The following CSMD3 variants were observed in gnomAD, a reference collection of about 807,000 sequenced individuals.
The protein encoded by CSMD3 is CUB and Sushi multiple domains 3, also known as CUB and sushi domain-containing protein 3.
Under a neutral mutation model 435.2 loss-of-function variants are expected in CSMD3, and 177 were observed. The observed-to-expected ratio is 0.41, with a 90% CI of 0.36 to 0.46. The LOEUF (loss-of-function observed/expected upper bound fraction) is 0.46. Ranked by LOEUF, CSMD3 falls within the 20% of genes least tolerant of loss-of-function variation. The pLI is 0.34. For synonymous variants in CSMD3, 1,656 were observed against 1,520.5 expected, an observed-to-expected ratio of 1.09 and a Z score of -2.07; for missense variants, 4,265 against 4,504.6, an observed-to-expected ratio of 0.95 and a Z score of 1.52.
chr8:112,749,117 G>T (rs2077508230), intron 13 of CSMD3, among the ~76,000 whole-genome samples: 1 of 151,792 alleles, frequency 6.6e-6, no homozygotes, highest in Non-Finnish European at 1.5e-5. Flanking sequence ...TTTCATATGT[G>T]TATCGGCCGT....
At chr8:112,307,327 G>A (rs556577741) in intron 50 of CSMD3, among the ~76,000 whole-genome samples, 14 of 152,084 alleles carry the variant, frequency 9.2e-5, no homozygotes, top group Admixed American at 9.2e-4. Flanking sequence ...TTTTTCCCAG[G>A]CTGGAGTCAG....
chr8:113,428,574 A>G (rs2130041428), intron 1 of CSMD3, among the ~76,000 whole-genome samples: 1 of 151,978 alleles, frequency 6.6e-6, no homozygotes, highest in East Asian at 1.9e-4. Flanking sequence ...AATTCAATAC[A>G]GGAAGAAAAG....
intron 4 of CSMD3, among the ~76,000 whole-genome samples, chr8:113,105,459 G>T (rs544972048): frequency 6.6e-6 from 1 of 152,142 alleles, no homozygotes; most frequent in Admixed American, 6.5e-5. Context: ...CAGAAGAAAA[G>T]GACTCAAAAG....
chr8:112,412,265 T>G (rs1037470265), intron 32 of CSMD3, among the ~76,000 whole-genome samples: 1 of 152,124 alleles, frequency 6.6e-6, no homozygotes, highest in Non-Finnish European at 1.5e-5. Context: ...CTGATGCTGG[T>G]GCCTCAATCC....
At chr8:113,152,334 G>A (rs2091826936) in intron 4 of CSMD3, among the ~76,000 whole-genome samples, 1 of 151,962 alleles carries the variant, frequency 6.6e-6, no homozygotes, top group Non-Finnish European at 1.5e-5. Flanking sequence ...ATTTCACGAA[G>A]ATACGTAAAA....
At position 112,254,297 on chromosome 8, in the gene CSMD3, C is replaced by T. The variant is rs1815577845; in HGVS notation, c.10066G>A (p.Gly3356Ser). Reference sequence around the variant, plus strand: ...TTCTGAGATCCATGCCGAGGCACACCTGGGTTTTCACAAGAGGTTTGGGTA... The same window carrying T: ...TTCTGAGATCCATGCCGAGGCACACTTGGGTTTTCACAAGAGGTTTGGGTA... The part of the protein sequence containing the change: ...EPTQTSCENP[G>S]VPRHGSQNNT... The change falls in exon 63 of 71, where the codon GGT (glycine) becomes AGT (serine). Residue 3356 changes from glycine to serine, a missense_variant. Gly to Ser is a moderately conservative substitution (Grantham distance 56, BLOSUM62 0). This residue lies in a region of CSMD3 where 3,255 missense variants were observed against 3,380.2 expected (regional missense o/e 0.96). Coordinates refer to ENST00000297405, the MANE Select transcript of CSMD3 (RefSeq NM_198123.2). 6.2e-7 allele frequency: 1 copy of T among 1,612,544 alleles called. No homozygotes were observed. Among genetic ancestry groups the T allele is most frequent in the Non-Finnish European group, 8.5e-7 (1 of 1,178,932 alleles).
At chr8:113,218,466 CAAAAA>C (rs35840130) in intron 3 of CSMD3, among the ~76,000 whole-genome samples, 1 of 94,828 alleles carries the variant, frequency 1.1e-5, no homozygotes. Context: ...TAAAGTGCTA[CAAAAA>C]AAAAAAAAAA....
At chr8:112,971,027 T>C (rs1801989813) in intron 7 of CSMD3, among the ~76,000 whole-genome samples, 1 of 152,146 alleles carries the variant, frequency 6.6e-6, no homozygotes, top group African/African-American at 2.4e-5. Context: ...GGCCTCATCT[T>C]TCAATAATTA....
intron 35 of CSMD3, among the ~76,000 whole-genome samples, chr8:112,393,396 G>A (rs574776492): frequency 1.3e-5 from 2 of 152,116 alleles, no homozygotes; most frequent in African/African-American, 2.4e-5. Flanking sequence ...GAATGTTACC[G>A]CTTCAACCCT....
At chr8:112,554,912 T>G (rs1333082970) in intron 25 of CSMD3, among the ~76,000 whole-genome samples, 1 of 151,958 alleles carries the variant, frequency 6.6e-6, no homozygotes, top group South Asian at 2.1e-4. Flanking sequence ...GTAGAAGATA[T>G]TTAAGGTTAA....
chr8:112,378,319 C>T (rs770120417), intron 38 of CSMD3, among the ~76,000 whole-genome samples: 2 of 151,850 alleles, frequency 1.3e-5, no homozygotes, highest in South Asian at 2.1e-4. Flanking sequence ...ATCTCACTGC[C>T]GGATATATCC....
Position 112,531,196 on chromosome 8 carries a change from C to T in CSMD3, c.4565-13971G>A, listed in dbSNP as rs147247677. 3.9e-3 allele frequency among the ~76,000 whole-genome samples: 587 copies of T among 152,176 alleles called. 3 individuals are homozygous for T. Among genetic ancestry groups the T allele is most frequent in the African/African-American group, 0.013 (543 of 41,520 alleles). ...TGCCACCACAGCACAACACAGCATG[C>T]GGCAGATCCCCAAAGCCCCTGATTT... On this transcript the variant is annotated intron_variant, in intron 27 of 70. Transcript: ENST00000297405.
At chr8:113,110,484 A>T (rs2090605723) in intron 4 of CSMD3, among the ~76,000 whole-genome samples, 1 of 152,196 alleles carries the variant, frequency 6.6e-6, no homozygotes, top group South Asian at 2.1e-4. Flanking sequence ...CTTTATAACA[A>T]GGATCACCTT....
Position 112,386,499 on chromosome 8 carries a change from A to AT in CSMD3, c.5935-2837dup, listed in dbSNP as rs1173012533. 3.9e-3 allele frequency among the ~76,000 whole-genome samples: 588 copies of AT among 149,896 alleles called. 3 individuals carry two copies. The highest frequency in any genetic ancestry group is 0.012 in the African/African-American group (501 of 40,920). ...GAAGACACATGAAAGCCAACCAAAG[A>AT]TTTTTTTTTTCTTTTTTAGACAGAG... On this transcript the variant is annotated intron_variant, in intron 36 of 70. Coordinates refer to ENST00000297405, the MANE Select transcript of CSMD3 (RefSeq NM_198123.2).
chr8:113,051,454 T>C (rs1471452261), intron 5 of CSMD3, among the ~76,000 whole-genome samples: 1 of 152,168 alleles, frequency 6.6e-6, no homozygotes, highest in East Asian at 1.9e-4. Flanking sequence ...CAGATTTTTA[T>C]GTTTAATAAA....
chr8:113,048,159 C>T (rs1323618799), intron 5 of CSMD3, among the ~76,000 whole-genome samples: 2 of 147,924 alleles, frequency 1.4e-5, no homozygotes, highest in Admixed American at 6.8e-5. Context: ...GTGGCGCGAT[C>T]TCGGCTCACT....
At chr8:112,768,949 A>G (rs552925305) in intron 13 of CSMD3, among the ~76,000 whole-genome samples, 1 of 152,032 alleles carries the variant, frequency 6.6e-6, no homozygotes, top group East Asian at 1.9e-4. Flanking sequence ...GGCAACCTCA[A>G]TGTTCAGCTA....
chr8:112,522,766 C>G (rs908850688), intron 27 of CSMD3, among the ~76,000 whole-genome samples: 2 of 151,864 alleles, frequency 1.3e-5, no homozygotes, highest in Admixed American at 6.6e-5. Context: ...CCAGATGGCT[C>G]TAACTACTGC....
At chr8:113,419,831 G>A (rs1000942674) in intron 1 of CSMD3, among the ~76,000 whole-genome samples, 2 of 151,600 alleles carry the variant, frequency 1.3e-5, no homozygotes, top group African/African-American at 4.8e-5. Flanking sequence ...ATGGCATGTA[G>A]AGATCATCAT....
Sources: allele counts gnomAD v4.1 joint callset (sites outside exome capture counted in the v4.1 genomes callset), GRCh38; gene constraint gnomAD v4.1.1; regional missense constraint gnomAD v4.1.1; transcripts MANE v1.5; gene names NCBI Gene and HGNC (gene_info 2026-07-23, HGNC 2026-07-21).